Variants in ZNF609 observed in about 807,000 individuals in gnomAD.
The protein encoded by ZNF609 is zinc finger protein 609.
Under a neutral mutation model 109.5 loss-of-function variants are expected in ZNF609, and 11 were observed. That is an observed-to-expected ratio of 0.10 (90% CI 0.06 to 0.17). The LOEUF (loss-of-function observed/expected upper bound fraction) is 0.17, where lower values mean the gene tolerates loss of function less well. Ranked by LOEUF, ZNF609 falls within the 10% of genes least tolerant of loss-of-function variation. The probability of loss-of-function intolerance (pLI) is 1.00; values close to 1 mark genes in which losing one functional copy is unlikely to be tolerated. For synonymous variants in ZNF609, 646 were observed against 662.0 expected (o/e 0.98, Z 0.37); for missense variants, 1,559 against 1,772.4 (o/e 0.88, Z 2.16).
At chr15:64,606,284 T>G (rs1016523470) in intron 2 of ZNF609, among the ~76,000 whole-genome samples, 9 of 151,306 alleles carry the variant, frequency 5.9e-5, no homozygotes, top group East Asian at 4.0e-4. Context: ...GTTAAAACTT[T>G]CTGTAGGCCG....
intron 2 of ZNF609, among the ~76,000 whole-genome samples, chr15:64,522,125 G>T (rs1162651967): frequency 1.3e-5 from 2 of 152,214 alleles, no homozygotes; most frequent in Non-Finnish European, 2.9e-5. Flanking sequence ...AAGTGAGAAT[G>T]CCTTGACCTT....
chr15:64,556,624 A>G (rs989743168), intron 2 of ZNF609, among the ~76,000 whole-genome samples: 1 of 152,180 alleles, frequency 6.6e-6, no homozygotes, highest in Non-Finnish European at 1.5e-5. Flanking sequence ...CTTCCCTCCT[A>G]GCCACTAAAT....
chr15:64,459,962 G>A (rs1892913592), upstream of ZNF609, among the ~76,000 whole-genome samples: 1 of 152,172 alleles, frequency 6.6e-6, no homozygotes, highest in African/African-American at 2.4e-5. Flanking sequence ...ACAAGATTTA[G>A]TGATAGAGGA....
At position 64,683,238 on chromosome 15, in the gene ZNF609, G is replaced by A. The variant is rs2083221665; in HGVS notation, c.*1552G>A. 6.6e-6 allele frequency: 1 copy of A among 152,622 alleles called. No individual in the cohort carries two copies. The highest frequency in any genetic ancestry group is 2.4e-5 in the African/African-American group (1 of 41,438). 9.5% of individuals were successfully genotyped at this position (152,622 alleles called of 1,614,324 possible). A position where few individuals can be genotyped will look rare whatever the true frequency, so the allele number is the denominator to read the frequency against. Reference sequence around the variant, plus strand: ...GAGATAAAGACTGACAGACACCAGTGTAGGCTGGAAAAGGGAGTGTGTGAC... The same window carrying A: ...GAGATAAAGACTGACAGACACCAGTATAGGCTGGAAAAGGGAGTGTGTGAC... On this transcript the variant is annotated 3_prime_UTR_variant, in exon 10 of 10. Coordinates refer to ENST00000326648, the MANE Select transcript of ZNF609 (RefSeq NM_015042.2).
chr15:64,662,444 G>A (rs981642725), intron 3 of ZNF609, among the ~76,000 whole-genome samples: 1 of 151,962 alleles, frequency 6.6e-6, no homozygotes, highest in African/African-American at 2.4e-5. Context: ...CCCCATGTCA[G>A]CCTCCATAGT....
At chr15:64,609,763 C>A (rs572790547) in intron 2 of ZNF609, among the ~76,000 whole-genome samples, 6 of 150,354 alleles carry the variant, frequency 4.0e-5, no homozygotes, top group Middle Eastern at 3.4e-3. Flanking sequence ...TGTGGTGGCT[C>A]ACACCTGTAA....
chr15:64,626,781 G>A (rs1895969808), intron 3 of ZNF609, among the ~76,000 whole-genome samples: 1 of 152,082 alleles, frequency 6.6e-6, no homozygotes, highest in African/African-American at 2.4e-5. Context: ...TTTTTAGGCT[G>A]TTGATAATTC....
intron 2 of ZNF609, among the ~76,000 whole-genome samples, chr15:64,607,840 TTTC>T (rs1895632094): frequency 1.1e-4 from 2 of 18,442 alleles, no homozygotes; most frequent in Non-Finnish European, 2.2e-4. Context: ...TCTTTCTTTC[TTTC>T]TTTCTTTCTT....
chr15:64,482,285 G>T (rs528608424), intron 1 of ZNF609, among the ~76,000 whole-genome samples: 7 of 151,988 alleles, frequency 4.6e-5, no homozygotes, highest in African/African-American at 1.7e-4. Flanking sequence ...TGATTGGAAC[G>T]TGAATAAATC....
chr15:64,541,041 A>C (rs1015667778), intron 2 of ZNF609, among the ~76,000 whole-genome samples: 5 of 150,206 alleles, frequency 3.3e-5, no homozygotes, highest in African/African-American at 7.4e-5. Context: ...AAAAAAAAAA[A>C]AAAAAACTTT....
chr15:64,629,659 T>C (rs1031138166), intron 3 of ZNF609, among the ~76,000 whole-genome samples: 3 of 152,180 alleles, frequency 2.0e-5, no homozygotes, highest in Admixed American at 1.3e-4. Flanking sequence ...TGCTTACATC[T>C]TGTTGGCTAC....
chr15:64,529,582 A>G (rs1265508894), intron 2 of ZNF609: 12 of 1,364,796 alleles, frequency 8.8e-6, no homozygotes, highest in Middle Eastern at 2.5e-4. Context: ...GATGGCAACA[A>G]TATCCACTTT....
intron 2 of ZNF609, among the ~76,000 whole-genome samples, chr15:64,622,145 A>G (rs1230329396): frequency 6.6e-6 from 1 of 152,190 alleles, no homozygotes; most frequent in East Asian, 1.9e-4. Flanking sequence ...TGTTAGAATT[A>G]TATTCCAAGA....
chr15:64,495,756 T>C (rs992185859), intron 1 of ZNF609, among the ~76,000 whole-genome samples: 1 of 151,808 alleles, frequency 6.6e-6, no homozygotes, highest in Non-Finnish European at 1.5e-5. Context: ...TGTATCTTTT[T>C]TTTTTTTAGT....
intron 2 of ZNF609, among the ~76,000 whole-genome samples, chr15:64,619,458 T>C (rs1442653017): frequency 6.6e-6 from 1 of 152,246 alleles, no homozygotes; most frequent in Non-Finnish European, 1.5e-5. Flanking sequence ...ATTATAGATG[T>C]GACCAAATGG....
chr15:64,583,924 T>A (rs1252368525), intron 2 of ZNF609, among the ~76,000 whole-genome samples: 2 of 152,236 alleles, frequency 1.3e-5, no homozygotes, highest in South Asian at 2.1e-4. Context: ...CTTCCACCTC[T>A]ACCAATTTTA....
chr15:64,631,343 G>T, intron 3 of ZNF609: 1 of 714,614 alleles, frequency 1.4e-6, no homozygotes, highest in South Asian at 1.4e-5. Flanking sequence ...CTCTTGGCAA[G>T]AATCTTGCCC....
intron 3 of ZNF609, among the ~76,000 whole-genome samples, chr15:64,662,286 A>G (rs1595756375): frequency 2.0e-5 from 3 of 152,294 alleles, no homozygotes; most frequent in African/African-American, 7.2e-5. Flanking sequence ...GTCATGCACC[A>G]TCACTTCTGC....
chr15:64,501,799 GC>G (rs1450929579), intron 2 of ZNF609: 10 of 152,160 alleles, frequency 6.6e-5, no homozygotes, highest in African/African-American at 9.7e-5. Context: ...AACCTTCTAA[GC>G]CCAGTGATAG....
Sources: allele counts gnomAD v4.1 joint callset (sites outside exome capture counted in the v4.1 genomes callset), GRCh38; gene constraint gnomAD v4.1.1; transcripts MANE v1.5; gene names NCBI Gene and HGNC (gene_info 2026-07-23, HGNC 2026-07-21).